The following ITPR2 variants were observed in gnomAD, a reference collection of about 807,000 sequenced individuals.
ITPR2 encodes inositol 1,4,5-trisphosphate receptor type 2.
ITPR2 carries 207 observed loss-of-function variants against 317.1 expected under a neutral mutation model. That is an observed-to-expected ratio of 0.65 (90% CI 0.58 to 0.73). The LOEUF is 0.73. ITPR2 is among the 30% of genes least tolerant of loss of function. ITPR2 has a pLI of 0.00. For missense variants in ITPR2, 2,613 were observed against 3,284.0 expected, an observed-to-expected ratio of 0.80 and a Z score of 4.99; for synonymous variants, 1,156 against 1,149.1, an observed-to-expected ratio of 1.01 and a Z score of -0.12.
In ITPR2 at chr12:26,469,877, C is replaced by G. The variant is rs925279994; in HGVS notation, c.6342+5419G>C. 2.6e-5 allele frequency among the ~76,000 whole-genome samples: 4 copies of G among 152,324 alleles called. No homozygotes were observed. In the South Asian group the frequency reaches 8.3e-4, roughly 32 times the overall value. ...AGTGTTTGTAAAAATCTTGAATGAT[C>G]TGCCAACTTTTAAAAGTTAGGAGAT... On this transcript the variant is annotated intron_variant, in intron 45 of 56. Transcript: ENST00000381340.
chr12:26,526,360 T>C (rs1943808466), intron 37 of ITPR2, among the ~76,000 whole-genome samples: 1 of 152,066 alleles, frequency 6.6e-6, no homozygotes, highest in Non-Finnish European at 1.5e-5. Context: ...GCCAAGGGAA[T>C]GGTATTCCAG....
chr12:26,772,731 CTTTT>C (rs919205690), intron 2 of ITPR2, among the ~76,000 whole-genome samples: 2 of 149,724 alleles, frequency 1.3e-5, no homozygotes, highest in Non-Finnish European at 3.0e-5. Context: ...TATCCAATAT[CTTTT>C]TTTTTCTTTT....
At chr12:26,809,688 G>A (rs1950700682) in intron 1 of ITPR2, among the ~76,000 whole-genome samples, 1 of 152,128 alleles carries the variant, frequency 6.6e-6, no homozygotes, top group Non-Finnish European at 1.5e-5. Flanking sequence ...CGGGGGTTGG[G>A]GGAGTAGTTT....
chr12:26,362,768 A>T (rs576696363), intron 55 of ITPR2, among the ~76,000 whole-genome samples: 17 of 152,300 alleles, frequency 1.1e-4, no homozygotes, highest in Non-Finnish European at 2.1e-4. Context: ...AACTATTCAC[A>T]GGTATTTTCT....
At chr12:26,472,362 TCTTTA>T (rs1373494649) in intron 45 of ITPR2, among the ~76,000 whole-genome samples, 4 of 152,202 alleles carry the variant, frequency 2.6e-5, no homozygotes, top group Admixed American at 1.3e-4. Flanking sequence ...TCTCCTTTTC[TCTTTA>T]CTTTCTTTTG....
intron 1 of ITPR2, among the ~76,000 whole-genome samples, chr12:26,800,399 A>C (rs1409842129): frequency 6.6e-6 from 1 of 152,234 alleles, no homozygotes; most frequent in Non-Finnish European, 1.5e-5. Context: ...ATATAAAATA[A>C]CTATTATGAA....
At chr12:26,387,019 A>G (rs982838004) in intron 55 of ITPR2, among the ~76,000 whole-genome samples, 1 of 152,224 alleles carries the variant, frequency 6.6e-6, no homozygotes, top group African/African-American at 2.4e-5. Flanking sequence ...AACACAATTC[A>G]ATTTCTTAAA....
intron 13 of ITPR2, among the ~76,000 whole-genome samples, chr12:26,669,847 G>A (rs903292848): frequency 2.0e-5 from 3 of 152,228 alleles, no homozygotes; most frequent in Non-Finnish European, 4.4e-5. Flanking sequence ...TCCCACCCGA[G>A]TACTGCGCTT....
chr12:26,780,914 C>A (rs1411426464), intron 2 of ITPR2, among the ~76,000 whole-genome samples: 2 of 152,200 alleles, frequency 1.3e-5, no homozygotes, highest in African/African-American at 4.8e-5. Context: ...CACCTGGACA[C>A]TTTGGGTTCC....
At chr12:26,684,289 TC>T (rs1948087055) in intron 11 of ITPR2, among the ~76,000 whole-genome samples, 1 of 152,208 alleles carries the variant, frequency 6.6e-6, no homozygotes, top group Non-Finnish European at 1.5e-5. Context: ...CACAGTGGAA[TC>T]ACTTGGGTAA....
At chr12:26,386,805 T>C (rs1220467403) in intron 55 of ITPR2, among the ~76,000 whole-genome samples, 2 of 152,216 alleles carry the variant, frequency 1.3e-5, no homozygotes, top group African/African-American at 4.8e-5. Context: ...TTCGGGCCAA[T>C]TTGTTTTAAT....
intron 46 of ITPR2, 42 bp downstream of exon 46, chr12:26,443,501 C>G (rs761136319): frequency 6.8e-7 from 1 of 1,473,654 alleles, no homozygotes; most frequent in South Asian, 1.2e-5. Flanking sequence ...GTAAGCATAA[C>G]TTTTCACAGT....
intron 9 of ITPR2, among the ~76,000 whole-genome samples, chr12:26,700,524 C>T (rs1184971050): frequency 6.6e-6 from 1 of 152,182 alleles, no homozygotes; most frequent in Non-Finnish European, 1.5e-5. Flanking sequence ...AAAGTCACAC[C>T]GCTGGGGAGT....
intron 34 of ITPR2, among the ~76,000 whole-genome samples, chr12:26,565,719 C>G (rs1168337774): frequency 1.3e-5 from 2 of 151,442 alleles, no homozygotes; most frequent in Non-Finnish European, 2.9e-5. Flanking sequence ...AGGTGGATCA[C>G]TTGAGTCCAG....
intron 37 of ITPR2, among the ~76,000 whole-genome samples, chr12:26,501,375 G>A (rs1189866394): frequency 3.9e-5 from 6 of 152,082 alleles, no homozygotes; most frequent in African/African-American, 1.4e-4. Flanking sequence ...TCTGTCCATC[G>A]TTATAATCAA....
chr12:26,497,708 ATTTTTTTTT>A (rs34121849), intron 37 of ITPR2, among the ~76,000 whole-genome samples: 3 of 126,520 alleles, frequency 2.4e-5, no homozygotes, highest in Non-Finnish European at 5.1e-5. Context: ...AGTGCCAAGA[ATTTTTTTTT>A]TTTTTTTTTT....
At chr12:26,468,656 A>T (rs944637637) in intron 45 of ITPR2, among the ~76,000 whole-genome samples, 11 of 152,034 alleles carry the variant, frequency 7.2e-5, no homozygotes, top group African/African-American at 2.7e-4. Flanking sequence ...CATGGTAATG[A>T]TAGTAACAGA....
chr12:26,464,760 T>C (rs1218172633), intron 45 of ITPR2, among the ~76,000 whole-genome samples: 1 of 152,154 alleles, frequency 6.6e-6, no homozygotes, highest in Non-Finnish European at 1.5e-5. Flanking sequence ...AATTTGGTGA[T>C]ATATGTTCTA....
In ITPR2 at chr12:26,596,880, T is replaced by C. The variant is rs766037968; in HGVS notation, c.4254+3A>G. 2.6e-6 allele frequency: 4 copies of C among 1,521,136 alleles called. No homozygotes were observed. Among genetic ancestry groups the C allele is most frequent in the Non-Finnish European group, 3.5e-6 (4 of 1,135,616 alleles). The allele number at this position is 1,521,136 out of a possible 1,614,324, so 94.2% of individuals were successfully genotyped here. A position where few individuals can be genotyped will look rare whatever the true frequency, so the allele number is the denominator to read the frequency against. The stretch of plus-strand genomic sequence containing the variant: ...AGAGCTGCTAAGCTTTTGCCAGGCT[T>C]ACCTCAGGGATGCAGTCGTCATGGG... On this transcript the variant is annotated splice_donor_region_variant and intron_variant, in intron 31 of 56. Transcript: ENST00000381340.
Sources: gnomAD v4.1 joint callset for allele counts (sites outside exome capture counted in the v4.1 genomes callset) on GRCh38, gnomAD v4.1.1 for gene constraint, MANE v1.5 for transcripts, NCBI Gene and HGNC (gene_info 2026-07-23, HGNC 2026-07-21) for gene names.